Variants in BCAS1 observed in about 807,000 individuals in gnomAD.
BCAS1 encodes breast carcinoma-amplified sequence 1.
In BCAS1, 46 loss-of-function variants were observed where a neutral mutation model predicts 65.4. The ratio of observed to expected loss-of-function variants is 0.70; its 90% CI spans 0.55 to 0.90. The LOEUF is 0.90. Among genes scored for constraint, BCAS1 ranks in the 40% least tolerant of loss-of-function variants. The probability of loss-of-function intolerance (pLI) is 0.00; values close to 1 mark genes in which losing one functional copy is unlikely to be tolerated. For synonymous variants in BCAS1, 298 were observed against 293.5 expected, an observed-to-expected ratio of 1.02 and a Z score of -0.16; for missense variants, 793 against 771.2, an observed-to-expected ratio of 1.03 and a Z score of -0.33.
At chr20:53,955,556 T>A (rs528981170) in intron 11 of BCAS1, among the ~76,000 whole-genome samples, 1 of 152,266 alleles carries the variant, frequency 6.6e-6, no homozygotes, top group South Asian at 2.1e-4. Context: ...GTGTCTGGAG[T>A]CAGAAGGACC....
At chr20:53,947,868 C>T (rs185278372) in intron 12 of BCAS1, among the ~76,000 whole-genome samples, 1 of 152,304 alleles carries the variant, frequency 6.6e-6, no homozygotes, top group East Asian at 1.9e-4. Context: ...ATAATACTCA[C>T]AAAATAGCCT....
At chr20:53,962,435 A>C (rs1307168877) in intron 10 of BCAS1, among the ~76,000 whole-genome samples, 1 of 152,232 alleles carries the variant, frequency 6.6e-6, no homozygotes, top group Non-Finnish European at 1.5e-5. Context: ...GGAGTAAATG[A>C]AATAAGGTAG....
At chr20:54,065,595 T>C (rs779380612) in intron 1 of BCAS1, among the ~76,000 whole-genome samples, 15 of 152,212 alleles carry the variant, frequency 9.9e-5, no homozygotes, top group Non-Finnish European at 1.5e-4. Context: ...AGTGCTGATA[T>C]TGAGGGGCCC....
At chr20:54,033,765 G>A (rs542116398) in intron 3 of BCAS1, among the ~76,000 whole-genome samples, 1 of 151,340 alleles carries the variant, frequency 6.6e-6, no homozygotes, top group Admixed American at 6.6e-5. Flanking sequence ...ATTCCAAAAA[G>A]TTGAGTAGGA....
intron 3 of BCAS1, among the ~76,000 whole-genome samples, chr20:54,054,410 T>C (rs2092266232): frequency 6.6e-6 from 1 of 152,192 alleles, no homozygotes; most frequent in Non-Finnish European, 1.5e-5. Context: ...TAGAGATCAA[T>C]AGAAATGTGC....
At chr20:53,989,926 T>C (rs775469129) in intron 7 of BCAS1, among the ~76,000 whole-genome samples, 4 of 152,230 alleles carry the variant, frequency 2.6e-5, no homozygotes, top group Non-Finnish European at 4.4e-5. Flanking sequence ...TAAAAAGTTA[T>C]TTCTTGTTTA....
At chr20:53,965,126 A>G (rs2089993525) in intron 10 of BCAS1, among the ~76,000 whole-genome samples, 1 of 152,250 alleles carries the variant, frequency 6.6e-6, no homozygotes, top group Non-Finnish European at 1.5e-5. Context: ...CAAATGGCCA[A>G]TGAGATAGAT....
At chr20:53,999,017 G>T (rs1272393051) in intron 4 of BCAS1, among the ~76,000 whole-genome samples, 2 of 152,170 alleles carry the variant, frequency 1.3e-5, no homozygotes, top group Non-Finnish European at 2.9e-5. Context: ...TATAAGTCAG[G>T]CCTGTCAGAA....
rs182034449 is a variant in BCAS1, at chr20:54,051,940, C to T, written c.142+6145G>A. Among the ~76,000 whole-genome samples, 220 of 152,040 alleles carry T rather than the reference C, an allele frequency of 1.4e-3. 1 individual carries two copies. The highest frequency in any genetic ancestry group is 5.1e-3 in the African/African-American group (210 of 41,450). ...TTTTAGTAGAGACGGGGTTTCACCA[C>T]GTTGGCCAGGCTGGTCTCAAACTCC... On this transcript the variant is annotated intron_variant, in intron 3 of 12. Transcript: ENST00000688948.
At chr20:53,949,330 C>T (rs111653205) in intron 12 of BCAS1, among the ~76,000 whole-genome samples, 1,808 of 152,094 alleles carry the variant, frequency 0.012, 4 homozygotes, top group Non-Finnish European at 0.013. Context: ...GGGCTTCCTT[C>T]CAGTTCTTTT....
intron 3 of BCAS1, among the ~76,000 whole-genome samples, chr20:54,035,560 T>A (rs1016906693): frequency 1.3e-5 from 2 of 151,028 alleles, no homozygotes; most frequent in African/African-American, 4.8e-5. Flanking sequence ...AAAAATAAGA[T>A]GCTGGTGAGG....
intron 7 of BCAS1, among the ~76,000 whole-genome samples, chr20:53,987,287 T>G (rs1013587062): frequency 4.6e-5 from 7 of 152,228 alleles, no homozygotes; most frequent in Non-Finnish European, 8.8e-5. Flanking sequence ...ATAGCTCCAG[T>G]TCCATTTAAA....
chr20:54,055,195 G>A (rs1412033141), intron 3 of BCAS1, among the ~76,000 whole-genome samples: 3 of 152,124 alleles, frequency 2.0e-5, no homozygotes, highest in African/African-American at 7.2e-5. Context: ...GACAAAATGA[G>A]AATGTAAACT....
At chr20:54,001,798 T>C (rs1326139758) in intron 4 of BCAS1, among the ~76,000 whole-genome samples, 3 of 152,212 alleles carry the variant, frequency 2.0e-5, no homozygotes, top group Non-Finnish European at 2.9e-5. Flanking sequence ...TCTTTCTCTA[T>C]TGCCATTCCC....
chr20:54,002,067 G>T (rs1310626193), intron 4 of BCAS1, among the ~76,000 whole-genome samples: 1 of 150,432 alleles, frequency 6.6e-6, no homozygotes, highest in East Asian at 1.9e-4. Context: ...TTCAGTCTTT[G>T]CTAGTTTCCT....
chr20:54,062,243 C>T (rs1009787178), intron 1 of BCAS1, among the ~76,000 whole-genome samples: 1 of 152,134 alleles, frequency 6.6e-6, no homozygotes, highest in African/African-American at 2.4e-5. Context: ...TCTAAAAAAT[C>T]ATAGAAATGA....
intron 12 of BCAS1, among the ~76,000 whole-genome samples, chr20:53,946,031 C>T (rs912166840): frequency 1.3e-5 from 2 of 152,048 alleles, no homozygotes; most frequent in African/African-American, 4.8e-5. Flanking sequence ...ACCTTGGCCT[C>T]CCAAAGTGAT....
intron 3 of BCAS1, among the ~76,000 whole-genome samples, chr20:54,048,681 C>A (rs1332551218): frequency 6.6e-6 from 1 of 152,178 alleles, no homozygotes. Context: ...TTTAGAACTG[C>A]CACCTCCAGA....
intron 1 of BCAS1, 61 bp from the exon 2 acceptor site, chr20:54,058,784 G>A (rs1287496140): frequency 1.3e-6 from 2 of 1,591,500 alleles, no homozygotes. Flanking sequence ...AGCTACATGT[G>A]CTACTAAGGT....
Sources: gnomAD v4.1 joint callset for allele counts (sites outside exome capture counted in the v4.1 genomes callset) on GRCh38, gnomAD v4.1.1 for gene constraint, MANE v1.5 for transcripts, NCBI Gene and HGNC (gene_info 2026-07-23, HGNC 2026-07-21) for gene names.